The following PSMA7 variants were observed in gnomAD, a reference collection of about 807,000 sequenced individuals.
PSMA7 encodes the protein proteasome subunit alpha type-7.
PSMA7 carries 5 observed loss-of-function variants against 31.3 expected under a neutral mutation model. The observed-to-expected ratio is 0.16, with a 90% CI of 0.08 to 0.34. The LOEUF (loss-of-function observed/expected upper bound fraction) is 0.34. Ranked by LOEUF, PSMA7 falls within the 10% of genes least tolerant of loss-of-function variation. The pLI is 1.00. For missense variants in PSMA7, 217 were observed against 327.5 expected, an observed-to-expected ratio of 0.66 and a Z score of 2.60; for synonymous variants, 155 against 121.9, an observed-to-expected ratio of 1.27 and a Z score of -1.79.
At position 62,139,175 on chromosome 20, in the gene PSMA7, C is replaced by T. The variant is rs2056912369; in HGVS notation, c.371G>A (p.Arg124His). ...LKQRYTQSNG[R>H]RPFGISALIV... ...GAGGGCAGAGATGCCAAACGGCCTG[C>T]GCCCATTGCTCTGCGTATAACGCTA... Residue 124 changes from arginine to histidine, a missense_variant, in exon 4 of 7, where the codon CGC (arginine) becomes CAC (histidine). Arg to His is a conservative substitution (Grantham distance 29). Around this residue, in one of 3 missense-constraint regions of PSMA7, gnomAD observed 53 missense variants for 119.4 expected, o/e 0.44. Coordinates refer to ENST00000370873, the MANE Select transcript of PSMA7 (RefSeq NM_002792.4). 6.2e-7 allele frequency: 1 copy of T among 1,614,162 alleles called. No homozygotes were observed. Among genetic ancestry groups the T allele is most frequent in the Non-Finnish European group, 8.5e-7 (1 of 1,179,996 alleles).
chr20:62,142,888 C>T (rs2056945082), intron 1 of PSMA7, among the ~76,000 whole-genome samples: 1 of 150,904 alleles, frequency 6.6e-6, no homozygotes, highest in Non-Finnish European at 1.5e-5. Context: ...GCGCGACCCA[C>T]GCGCCCGGCC....
chr20:62,139,300 C>T, intron 3 of PSMA7, 103 bp from the exon 4 acceptor site: 1 of 1,399,808 alleles, frequency 7.1e-7, no homozygotes, highest in Admixed American at 2.2e-5. Context: ...CATGCCTGAG[C>T]CCCTTCTCAG....
chr20:62,138,986 C>T, intron 4 of PSMA7, 89 bp downstream of exon 4: 2 of 1,495,452 alleles, frequency 1.3e-6, no homozygotes, highest in Admixed American at 2.0e-5. Flanking sequence ...TTCACTGATA[C>T]AGGGCCTACA....
chr20:62,143,257 A>T lies in PSMA7; in HGVS notation c.47T>A (p.Leu16His). ...CTCCTGCGCGTACTCCACTTGGAAG[A>T]GGTGGCCGTCGGGCGAGAAGACGGT... ...AITVFSPDGH[L>H]FQVEYAQEAV... Residue 16 changes from leucine (L) to histidine (H), a missense_variant, in exon 1 of 7, where the codon CTC becomes CAC. Coordinates refer to ENST00000370873, the MANE Select transcript of PSMA7 (RefSeq NM_002792.4). The T allele has an allele frequency of 6.8e-7, 1 of 1,476,650 alleles. No homozygotes were observed. The highest frequency in any genetic ancestry group is 9.0e-7 in the Non-Finnish European group (1 of 1,106,836). The allele number at this position is 1,476,650 out of a possible 1,614,324, so 91.5% of individuals were successfully genotyped here.
chr20:62,137,646 C>A (rs1171569986), intron 5 of PSMA7, among the ~76,000 whole-genome samples: 1 of 152,188 alleles, frequency 6.6e-6, no homozygotes, highest in East Asian at 1.9e-4. Flanking sequence ...ACTGGGACTC[C>A]TCTCTCCTGC....
In PSMA7 at chr20:62,138,071, G is replaced by A. The variant is rs2056905708; in HGVS notation, c.591+100C>T. 8 of 1,517,220 alleles carry A rather than the reference G, an allele frequency of 5.3e-6. No homozygotes were observed. The South Asian group carries it at 9.2e-5, about 17-fold the overall frequency. The allele number at this position is 1,517,220 out of a possible 1,614,324, so 94.0% of individuals were successfully genotyped here. A position where few individuals can be genotyped will look rare whatever the true frequency, so the allele number is the denominator to read the frequency against. ...AACACAGCAGTCATTAAGCATTACTGCTGGATCCTTGCCACCTTCCTTCCT... is the reference window on the plus strand; with the variant it reads ...AACACAGCAGTCATTAAGCATTACTACTGGATCCTTGCCACCTTCCTTCCT... On this transcript the variant is annotated intron_variant, in intron 5 of 6. Coordinates refer to ENST00000370873, the MANE Select transcript of PSMA7 (RefSeq NM_002792.4).
At chr20:62,137,033 T>C in intron 6 of PSMA7, 84 bp from the exon 7 acceptor site, 1 of 1,538,244 alleles carries the variant, frequency 6.5e-7, no homozygotes, top group African/African-American at 1.4e-5. Flanking sequence ...CGGCCAGGCT[T>C]TGGCACTGCT....
rs746756000 is a variant in PSMA7, at chr20:62,143,337, G to T, written c.-34C>A. ...GCGGCGGCCGGGCTCCTTCCGCCGC[G>T]ACTCTCAAAAGCGCACACTCACGGC... On this transcript the variant is annotated 5_prime_UTR_variant, in exon 1 of 7. Coordinates refer to ENST00000370873, the MANE Select transcript of PSMA7 (RefSeq NM_002792.4). 4 of 1,329,352 alleles carry T rather than the reference G, an allele frequency of 3.0e-6. No homozygotes were observed. The highest frequency in any genetic ancestry group is 2.8e-5 in the South Asian group (2 of 70,608). 82.3% of individuals were successfully genotyped at this position (1,329,352 alleles called of 1,614,324 possible).
At position 62,139,123 on chromosome 20, in the gene PSMA7, A is replaced by G. The variant is rs1357857941; in HGVS notation, c.423T>C (p.Thr141=). 6.2e-7 allele frequency: 1 copy of G among 1,614,190 alleles called. No individual in the cohort carries two copies. Among genetic ancestry groups the G allele is most frequent in the South Asian group, 1.1e-5 (1 of 91,086 alleles). ...AGGGGTCAGTCTGATAGAGCCTAGG[A>G]GTGCCATCAAAGTCGAAACCCACGA... is the stretch of plus-strand genomic sequence containing the variant. ...ALIVGFDFDG[T]PRLYQTDPSG... is the part of the protein sequence containing the mutation. The change falls in exon 4 of 7, where the codon ACT becomes ACC. Residue 141 remains threonine (T), a synonymous_variant. Transcript: ENST00000370873.
chr20:62,138,132 A>G (rs761751207), intron 5 of PSMA7, 39 bp downstream of exon 5: 2 of 1,613,764 alleles, frequency 1.2e-6, no homozygotes, highest in South Asian at 2.2e-5. Flanking sequence ...AAAACGTGGT[A>G]TCTTCACCAC....
chr20:62,137,292 A>G, intron 6 of PSMA7, 72 bp downstream of exon 6: 1 of 1,481,466 alleles, frequency 6.8e-7, no homozygotes. Context: ...TTTCCTTCGG[A>G]ACTGGTACTG....
At chr20:62,142,318 A>T (rs1469033858) in intron 1 of PSMA7, among the ~76,000 whole-genome samples, 1 of 152,182 alleles carries the variant, frequency 6.6e-6, no homozygotes, top group Non-Finnish European at 1.5e-5. Context: ...CTTTAAGCTG[A>T]GTTAGATCAC....
At chr20:62,141,448 C>G (rs2056927009) in intron 1 of PSMA7, among the ~76,000 whole-genome samples, 1 of 152,244 alleles carries the variant, frequency 6.6e-6, no homozygotes, top group African/African-American at 2.4e-5. Flanking sequence ...CCTGCAAACC[C>G]AGGGGTATTC....
intron 1 of PSMA7, 32 bp downstream of exon 1, chr20:62,143,176 T>TCCCCGGCCCCGCGCAGG: frequency 7.6e-7 from 1 of 1,321,844 alleles, no homozygotes; most frequent in Non-Finnish European, 9.8e-7. Context: ...TCCGCCCGCG[T>TCCCCGGCCCCGCGCAGG]CCCCGGCCCC....
chr20:62,143,363 C>T lies in PSMA7; in HGVS notation c.-60G>A. 2.9e-6 allele frequency: 3 copies of T among 1,034,102 alleles called. No homozygotes were observed. Among genetic ancestry groups the T allele is most frequent in the Non-Finnish European group, 3.7e-6 (3 of 806,164 alleles). The allele number at this position is 1,034,102 out of a possible 1,614,324, so 64.1% of individuals were successfully genotyped here. ...ACTCTCAAAAGCGCACACTCACGGC[C>T]CGCGCGCACCCGCGACTCCCGGCGC... On this transcript the variant is annotated 5_prime_UTR_variant, in exon 1 of 7. Coordinates refer to ENST00000370873, the MANE Select transcript of PSMA7 (RefSeq NM_002792.4).
chr20:62,143,183 C>A, intron 1 of PSMA7, 25 bp downstream of exon 1: 1 of 1,355,172 alleles, frequency 7.4e-7, no homozygotes, highest in South Asian at 1.3e-5. Context: ...GCGTCCCCGG[C>A]CCCGCGCAGG....
chr20:62,143,094 C>G (rs950169518), intron 1 of PSMA7, 114 bp downstream of exon 1: 18 of 529,194 alleles, frequency 3.4e-5, no homozygotes, highest in Non-Finnish European at 3.9e-5. Context: ...CGCGCCGCTG[C>G]CCCGCGCACG....
At chr20:62,137,082 C>G in intron 6 of PSMA7, 133 bp from the exon 7 acceptor site, 2 of 1,271,232 alleles carry the variant, frequency 1.6e-6, no homozygotes, top group African/African-American at 3.0e-5. Context: ...TCAAGAAAAA[C>G]AAGAGGATGC....
intron 3 of PSMA7, 46 bp downstream of exon 3, chr20:62,139,735 A>ACT: frequency 6.2e-7 from 1 of 1,613,722 alleles, no homozygotes; most frequent in Non-Finnish European, 8.5e-7. Flanking sequence ...CGGAGCCGTG[A>ACT]CTGCCCTGCT....
Sources: allele counts gnomAD v4.1 joint callset (sites outside exome capture counted in the v4.1 genomes callset), GRCh38; gene constraint gnomAD v4.1.1; regional missense constraint gnomAD v4.1.1; transcripts MANE v1.5; gene names NCBI Gene and HGNC (gene_info 2026-07-23, HGNC 2026-07-21).